ITPR1: variants seen among roughly 807,000 people sequenced by gnomAD.
ITPR1 encodes the protein inositol 1,4,5-trisphosphate receptor type 1, also known as inositol 1,4,5-trisphosphate-gated calcium channel ITPR1.
In ITPR1, 96 loss-of-function variants were observed where a neutral mutation model predicts 318.4. The ratio of observed to expected loss-of-function variants is 0.30; its 90% confidence interval spans 0.26 to 0.36. The LOEUF is 0.36. Among genes scored for constraint, ITPR1 ranks in the 10% least tolerant of loss-of-function variants. The pLI is 1.00. For missense variants in ITPR1, 2,440 were observed against 3,460.2 expected (o/e 0.71, Z 7.40); for synonymous variants, 1,312 against 1,289.9 (o/e 1.02, Z -0.37).
intron 4 of ITPR1, among the ~76,000 whole-genome samples, chr3:4,610,578 T>A (rs1043359337): frequency 6.6e-6 from 1 of 151,472 alleles, no homozygotes; most frequent in Admixed American, 6.5e-5. Context: ...CATTTTTTTT[T>A]AAATAGCCAG....
chr3:4,571,421 G>A (rs2087973461), intron 4 of ITPR1, among the ~76,000 whole-genome samples: 1 of 152,038 alleles, frequency 6.6e-6, no homozygotes, highest in African/African-American at 2.4e-5. Flanking sequence ...GCTAACTGTA[G>A]CCTTGACCTC....
chr3:4,700,919 C>A (rs376393899), intron 35 of ITPR1, among the ~76,000 whole-genome samples: 2 of 152,078 alleles, frequency 1.3e-5, no homozygotes, highest in Non-Finnish European at 2.9e-5. Context: ...TCAGATCATG[C>A]GAGACTCATT....
Position 4,627,759 on chromosome 3 carries a change from C to A in ITPR1, c.164-4C>A. The A allele has an allele frequency of 1.3e-6, 2 of 1,597,044 alleles. No individual in the cohort carries two copies. Among genetic ancestry groups the A allele is most frequent in the Non-Finnish European group, 1.7e-6 (2 of 1,164,864 alleles). On this transcript the variant is annotated splice_polypyrimidine_tract_variant and splice_region_variant and intron_variant, in intron 4 of 61. Coordinates refer to ENST00000649015, the MANE Select transcript of ITPR1 (RefSeq NM_001378452.1). ...CAATTTCTGTTTGTTTGCTTCACTT[C>A]TAGACTGCCTCTTTAAGCTATGTCC...
chr3:4,744,931 T>G (rs1172879274), intron 44 of ITPR1, among the ~76,000 whole-genome samples: 1 of 112,026 alleles, frequency 8.9e-6, no homozygotes, highest in Non-Finnish European at 1.8e-5. Context: ...CTTCCTTCCT[T>G]CCTTCCTTCC....
intron 3 of ITPR1, among the ~76,000 whole-genome samples, chr3:4,519,681 G>A (rs1425661424): frequency 6.6e-6 from 1 of 152,138 alleles, no homozygotes; most frequent in African/African-American, 2.4e-5. Flanking sequence ...TGAGAACTCA[G>A]GCCATTGGCT....
At chr3:4,814,259 G>A (rs1011290154) in intron 57 of ITPR1, 164 bp from the exon 58 acceptor site, 27 of 741,018 alleles carry the variant, frequency 3.6e-5, no homozygotes, top group East Asian at 1.9e-4. Flanking sequence ...TGCCCCAGAC[G>A]ACTTTAGCTT....
intron 4 of ITPR1, among the ~76,000 whole-genome samples, chr3:4,625,577 G>A (rs1360480634): frequency 1.3e-5 from 2 of 151,904 alleles, no homozygotes; most frequent in African/African-American, 4.8e-5. Flanking sequence ...ATTTTTTTGA[G>A]ACAGAGTCTG....
intron 39 of ITPR1, among the ~76,000 whole-genome samples, chr3:4,715,131 G>C (rs2041672913): frequency 6.6e-6 from 1 of 152,152 alleles, no homozygotes; most frequent in Admixed American, 6.5e-5. Flanking sequence ...AATTTGCCCG[G>C]GGTTACATAG....
rs544283672 is a variant in ITPR1 at position 4,752,974 on chromosome 3, A to G, written c.5545-13556A>G. Among the ~76,000 whole-genome samples, 3 of 152,280 alleles carry G rather than the reference A, an allele frequency of 2.0e-5. No individual in the cohort carries two copies. In the South Asian group the frequency reaches 6.2e-4, roughly 32 times the overall value. On this transcript the variant is annotated intron_variant, in intron 44 of 61. Coordinates refer to ENST00000649015, the MANE Select transcript of ITPR1 (RefSeq NM_001378452.1). ...CATCAGCTAAATCAGAGCTTCAGAGAAGTGTGATGGGGAAGCAAACAGGCG... is the reference window on the plus strand; with the variant it reads ...CATCAGCTAAATCAGAGCTTCAGAGGAGTGTGATGGGGAAGCAAACAGGCG...
chr3:4,494,055 G>C (rs374632335), intron 1 of ITPR1, among the ~76,000 whole-genome samples: 1 of 152,282 alleles, frequency 6.6e-6, no homozygotes, highest in African/African-American at 2.4e-5. Context: ...GAAGAAAACC[G>C]GAGAAGCGGT....
intron 30 of ITPR1, among the ~76,000 whole-genome samples, chr3:4,687,413 A>C (rs2094412879): frequency 1.3e-5 from 2 of 152,182 alleles, no homozygotes; most frequent in African/African-American, 4.8e-5. Flanking sequence ...GGATGAGTAA[A>C]CAGCGACACT....
intron 3 of ITPR1, among the ~76,000 whole-genome samples, chr3:4,518,307 C>T (rs2082307353): frequency 1.3e-5 from 2 of 152,146 alleles, no homozygotes; most frequent in Admixed American, 1.3e-4. Context: ...TCTTTCTCTT[C>T]CAGGGCATCT....
chr3:4,537,411 A>G (rs1172353812), intron 4 of ITPR1, among the ~76,000 whole-genome samples: 1 of 152,160 alleles, frequency 6.6e-6, no homozygotes, highest in Non-Finnish European at 1.5e-5. Flanking sequence ...GTCTCCTTGT[A>G]TTATTTTGTT....
intron 10 of ITPR1, among the ~76,000 whole-genome samples, chr3:4,647,203 A>G (rs1399469068): frequency 2.0e-5 from 3 of 151,854 alleles, no homozygotes; most frequent in East Asian, 1.9e-4. Context: ...TGAGATTCGT[A>G]TATATTCTTG....
intron 4 of ITPR1, among the ~76,000 whole-genome samples, chr3:4,570,846 T>C (rs1359574654): frequency 6.6e-6 from 1 of 152,238 alleles, no homozygotes; most frequent in Admixed American, 6.5e-5. Flanking sequence ...TCAGTTATCT[T>C]TGACACATAG....
At chr3:4,651,984 A>C in intron 10 of ITPR1, 139 bp from the exon 11 acceptor site, 1 of 694,724 alleles carries the variant, frequency 1.4e-6, no homozygotes, top group Non-Finnish European at 2.6e-6. Context: ...TGACACTGGC[A>C]ATGGGTTTGT....
intron 52 of ITPR1, among the ~76,000 whole-genome samples, chr3:4,794,828 C>T (rs1339604732): frequency 3.3e-5 from 5 of 152,230 alleles, no homozygotes; most frequent in East Asian, 1.9e-4. Flanking sequence ...TCTTTTTGCT[C>T]TCTCCTTACT....
At chr3:4,747,485 C>T (rs1020763506) in intron 44 of ITPR1, among the ~76,000 whole-genome samples, 22 of 152,340 alleles carry the variant, frequency 1.4e-4, no homozygotes, top group African/African-American at 5.3e-4. Flanking sequence ...GTCTGTTTGC[C>T]AGGCAGATTG....
intron 29 of ITPR1, 99 bp from the exon 30 acceptor site, chr3:4,684,970 T>C: frequency 2.5e-6 from 3 of 1,220,652 alleles, no homozygotes; most frequent in Non-Finnish European, 3.5e-6. Flanking sequence ...TTTTAATGCA[T>C]TATAATCCCC....
Sources: allele counts gnomAD v4.1 joint callset (sites outside exome capture counted in the v4.1 genomes callset), GRCh38; gene constraint gnomAD v4.1.1; transcripts MANE v1.5; gene names NCBI Gene and HGNC (gene_info 2026-07-23, HGNC 2026-07-21).